Variants in KLHL1 observed in about 807,000 individuals in gnomAD.
KLHL1 encodes the protein kelch like family member 1, also known as kelch-like protein 1.
In KLHL1, 47 loss-of-function variants were observed where a neutral mutation model predicts 77.7. The ratio of observed to expected loss-of-function variants is 0.60; its 90% CI spans 0.48 to 0.77. KLHL1 has a LOEUF of 0.77. Among genes scored for constraint, KLHL1 ranks in the 30% least tolerant of loss-of-function variants. KLHL1 has a pLI of 0.00. For synonymous variants in KLHL1, 360 were observed against 325.2 expected, an observed-to-expected ratio of 1.11 and a Z score of -1.15; for missense variants, 925 against 910.8, an observed-to-expected ratio of 1.02 and a Z score of -0.20.
At chr13:69,782,305 ACAGTGGGCGCAGGT>A (rs1566246626) in intron 7 of KLHL1, among the ~76,000 whole-genome samples, 1 of 152,224 alleles carries the variant, frequency 6.6e-6, no homozygotes, top group African/African-American at 2.4e-5. Flanking sequence ...GGAGTGCCAG[ACAGTGGGCGCAGGT>A]CAGTGGGTGC....
chr13:70,081,137 T>G (rs1001131543), intron 1 of KLHL1, among the ~76,000 whole-genome samples: 1 of 152,202 alleles, frequency 6.6e-6, no homozygotes, highest in African/African-American at 2.4e-5. Context: ...GACCAATTTG[T>G]CCCAGTTTGT....
intron 6 of KLHL1, among the ~76,000 whole-genome samples, chr13:69,800,061 G>A (rs1010662523): frequency 6.6e-6 from 1 of 152,104 alleles, no homozygotes; most frequent in African/African-American, 2.4e-5. Flanking sequence ...ATGGAAAAAT[G>A]TTCTTCCACC....
chr13:69,786,769 G>A (rs992785801), intron 7 of KLHL1, among the ~76,000 whole-genome samples: 1 of 152,152 alleles, frequency 6.6e-6, no homozygotes, highest in African/African-American at 2.4e-5. Flanking sequence ...CACTGTCTCA[G>A]CCCAAAATCT....
At chr13:70,054,444 GT>G (rs1414165134) in intron 1 of KLHL1, among the ~76,000 whole-genome samples, 1 of 151,944 alleles carries the variant, frequency 6.6e-6, no homozygotes, top group Non-Finnish European at 1.5e-5. Context: ...TTGCATTATA[GT>G]AGCCCAATGG....
intron 1 of KLHL1, among the ~76,000 whole-genome samples, chr13:70,023,976 A>T (rs924296705): frequency 5.9e-5 from 9 of 151,850 alleles, no homozygotes; most frequent in African/African-American, 2.2e-4. Flanking sequence ...CTTAGTAATT[A>T]GCCTCCTCAA....
intron 1 of KLHL1, among the ~76,000 whole-genome samples, chr13:70,067,560 C>T (rs1211928587): frequency 6.6e-6 from 1 of 151,938 alleles, no homozygotes; most frequent in African/African-American, 2.4e-5. Flanking sequence ...GCAGATCATT[C>T]GAGTGGAATT....
chr13:69,970,070 C>T (rs1216326312), intron 2 of KLHL1, among the ~76,000 whole-genome samples: 2 of 152,130 alleles, frequency 1.3e-5, no homozygotes, highest in African/African-American at 4.8e-5. Flanking sequence ...GACTTTTCTT[C>T]CTGGGTCTAG....
intron 1 of KLHL1, among the ~76,000 whole-genome samples, chr13:69,994,582 T>C (rs1038644803): frequency 6.6e-6 from 1 of 152,096 alleles, no homozygotes; most frequent in Admixed American, 6.6e-5. Flanking sequence ...ATCAAATAAA[T>C]TACAGTATTG....
chr13:69,732,550 T>G (rs1873592634), intron 8 of KLHL1, among the ~76,000 whole-genome samples: 1 of 152,186 alleles, frequency 6.6e-6, no homozygotes, highest in Admixed American at 6.5e-5. Context: ...AAAACCACTT[T>G]TCTGCTTTGC....
In KLHL1 at chr13:69,821,717, C is replaced by T. The variant is rs77010955; in HGVS notation, c.1414+17259G>A. Among the ~76,000 whole-genome samples the T allele has an allele frequency of 1.3e-4, 20 of 152,184 alleles. No individual in the cohort carries two copies. In the East Asian group the frequency reaches 2.5e-3, roughly 19 times the overall value. Reference sequence around the variant, plus strand: ...GATTTAACTTATCAAAGTGGCCTTCCGCTGTACATAAAATATCAACACTGT... The same window carrying T: ...GATTTAACTTATCAAAGTGGCCTTCTGCTGTACATAAAATATCAACACTGT... On this transcript the variant is annotated intron_variant, in intron 6 of 10. Transcript: ENST00000377844.
intron 1 of KLHL1, among the ~76,000 whole-genome samples, chr13:70,020,811 A>G (rs561949129): frequency 6.6e-6 from 1 of 152,174 alleles, no homozygotes; most frequent in Non-Finnish European, 1.5e-5. Flanking sequence ...ATGCATACAT[A>G]CACATACACA....
At chr13:69,793,386 A>G (rs931969103) in intron 7 of KLHL1, among the ~76,000 whole-genome samples, 1 of 152,026 alleles carries the variant, frequency 6.6e-6, no homozygotes, top group African/African-American at 2.4e-5. Context: ...TATAATTTTT[A>G]TATGTAACTT....
rs192303706 is a variant in KLHL1, at chr13:69,855,531, C to A, written c.1228-16369G>T. On this transcript the variant is annotated intron_variant, in intron 5 of 10. Coordinates refer to ENST00000377844, the MANE Select transcript of KLHL1 (RefSeq NM_020866.3). Reference sequence around the variant, plus strand: ...CACATATCAAGGGAGAGGAAAGAGACCACGTGGAAATAATGTAATCTTGGG... The same window carrying A: ...CACATATCAAGGGAGAGGAAAGAGAACACGTGGAAATAATGTAATCTTGGG... Among the ~76,000 whole-genome samples the A allele has an allele frequency of 6.0e-4, 79 of 132,426 alleles. No individual in the cohort carries two copies. In the South Asian group the frequency reaches 7.6e-3, roughly 13 times the overall value. The allele number at this position is 132,426 out of a possible 152,430, so 86.9% of individuals were successfully genotyped here. A position where few individuals can be genotyped will look rare whatever the true frequency, so the allele number is the denominator to read the frequency against.
intron 9 of KLHL1, among the ~76,000 whole-genome samples, chr13:69,709,731 A>G (rs74441951): frequency 0.099 from 15,048 of 152,044 alleles, 1,098 homozygotes; most frequent in African/African-American, 0.21. Context: ...AAATTTCTCT[A>G]CAAAACTTTA....
intron 1 of KLHL1, among the ~76,000 whole-genome samples, chr13:69,989,250 G>T (rs1459040654): frequency 6.6e-6 from 1 of 151,650 alleles, no homozygotes; most frequent in African/African-American, 2.4e-5. Flanking sequence ...TGTCACCTTT[G>T]TCAAAAATCA....
rs565048506 is a variant in KLHL1, at chr13:70,107,510, C to T, written c.190G>A (p.Gly64Ser). The change falls in exon 1 of 11, where the codon GGT becomes AGT. Residue 64 changes from glycine (G) to serine (S), a missense_variant. Physicochemically the swap from Gly to Ser is moderately conservative, Grantham distance 56. Coordinates refer to ENST00000377844, the MANE Select transcript of KLHL1 (RefSeq NM_020866.3). ...SRLLKSQERSGVSTFWKKPSS... is the reference protein window; with the variant it reads ...SRLLKSQERSSVSTFWKKPSS... The stretch of plus-strand genomic sequence containing the variant: ...GGCTTCTTCCAGAAAGTGCTCACAC[C>T]GCTTCTCTCTTGGCTTTTGAGCAGG... 5 of 1,611,614 alleles carry T rather than the reference C, an allele frequency of 3.1e-6. No homozygotes were observed. In the South Asian group the frequency reaches 3.3e-5, roughly 11 times the overall value.
At chr13:69,717,851 C>G (rs1281471638) in intron 9 of KLHL1, among the ~76,000 whole-genome samples, 1 of 152,052 alleles carries the variant, frequency 6.6e-6, no homozygotes. Flanking sequence ...CATTGTGACA[C>G]CTGTAGTTCC....
intron 6 of KLHL1, among the ~76,000 whole-genome samples, chr13:69,836,560 C>A (rs1328384421): frequency 6.6e-6 from 1 of 152,000 alleles, no homozygotes; most frequent in Non-Finnish European, 1.5e-5. Flanking sequence ...AACGCTAACT[C>A]TTTGTCTCAA....
chr13:69,855,978 T>G (rs1442044877), intron 5 of KLHL1, among the ~76,000 whole-genome samples: 2 of 147,600 alleles, frequency 1.4e-5, no homozygotes, highest in Non-Finnish European at 3.0e-5. Context: ...AATATACATG[T>G]TTTTTATATA....
Sources: gnomAD v4.1 joint callset for allele counts (sites outside exome capture counted in the v4.1 genomes callset) on GRCh38, gnomAD v4.1.1 for gene constraint, MANE v1.5 for transcripts, NCBI Gene and HGNC (gene_info 2026-07-23, HGNC 2026-07-21) for gene names.